SLC1A1: variants seen among roughly 807,000 people sequenced by gnomAD.
SLC1A1 encodes the protein solute carrier family 1 member 1, also known as excitatory amino acid transporter 3.
SLC1A1 carries 43 observed loss-of-function variants against 53.3 expected under a neutral mutation model. That is an observed-to-expected ratio of 0.81 (90% confidence interval 0.63 to 1.04). The LOEUF is 1.04. Ranked by LOEUF, SLC1A1 falls within the 50% of genes least tolerant of loss-of-function variation. The probability of loss-of-function intolerance (pLI) is 0.00; values close to 1 mark genes in which losing one functional copy is unlikely to be tolerated. For missense variants in SLC1A1, 748 were observed against 664.9 expected, an observed-to-expected ratio of 1.12 and a Z score of -1.37; for synonymous variants, 307 against 243.2, an observed-to-expected ratio of 1.26 and a Z score of -2.44.
chr9:4,572,266 GATTGTC>G lies in SLC1A1; in HGVS notation c.646_651del (p.Ile216_Val217del). ...CAGATGGCATAAACGTCCTGGGCTT[GATTGTC>G]TTTTGCCTTGTCTTTGGACTTGTCA... On this transcript the variant is annotated inframe_deletion, in exon 7 of 12. Transcript: ENST00000262352. 6.2e-7 allele frequency: 1 copy of G among 1,614,120 alleles called. No individual in the cohort carries two copies. Among genetic ancestry groups the G allele is most frequent in the Non-Finnish European group, 8.5e-7 (1 of 1,179,978 alleles).
At chr9:4,562,593 G>C (rs577292365) in intron 3 of SLC1A1, among the ~76,000 whole-genome samples, 4 of 152,288 alleles carry the variant, frequency 2.6e-5, no homozygotes, top group East Asian at 1.9e-4. Flanking sequence ...TTTGAAGAAT[G>C]CTTGGTCTTT....
At chr9:4,576,399 G>A (rs1280491391) in intron 9 of SLC1A1, among the ~76,000 whole-genome samples, 170 bp from the exon 10 acceptor site, 1 of 152,234 alleles carries the variant, frequency 6.6e-6, no homozygotes, top group Non-Finnish European at 1.5e-5. Context: ...TAAAGGGCTA[G>A]CATGATTTGG....
intron 1 of SLC1A1, among the ~76,000 whole-genome samples, chr9:4,513,950 A>G (rs1231443075): frequency 6.6e-6 from 1 of 152,252 alleles, no homozygotes; most frequent in Non-Finnish European, 1.5e-5. Flanking sequence ...CAACTTACAT[A>G]GAATATGATT....
At chr9:4,531,973 C>A (rs1434611352) in intron 1 of SLC1A1, among the ~76,000 whole-genome samples, 1 of 152,194 alleles carries the variant, frequency 6.6e-6, no homozygotes, top group Non-Finnish European at 1.5e-5. Context: ...AAGCAAACTC[C>A]AACAGACCTG....
intron 1 of SLC1A1, among the ~76,000 whole-genome samples, chr9:4,513,075 C>G (rs1205680693): frequency 6.6e-6 from 1 of 151,910 alleles, no homozygotes; most frequent in African/African-American, 2.4e-5. Context: ...CAAAAATTAA[C>G]TCCAAAAGGA....
intron 3 of SLC1A1, among the ~76,000 whole-genome samples, chr9:4,563,484 T>C (rs1463283439): frequency 6.6e-6 from 1 of 152,220 alleles, no homozygotes; most frequent in Non-Finnish European, 1.5e-5. Flanking sequence ...TGGCCCCTTA[T>C]TGCCCAGGAG....
At chr9:4,544,534 C>G (rs1406632231) in intron 1 of SLC1A1, 33 bp from the exon 2 acceptor site, 2 of 1,606,578 alleles carry the variant, frequency 1.2e-6, no homozygotes, top group Non-Finnish European at 8.5e-7. Flanking sequence ...AATAATGTTC[C>G]TCTTCCTTCT....
Position 4,583,222 on chromosome 9 carries a change from C to G in SLC1A1, c.1328+50C>G, listed in dbSNP as rs745324201. On this transcript the variant is annotated intron_variant, in intron 11 of 11. Transcript: ENST00000262352. This position sits in a 1 kb window ranked among gnomAD's most constrained non-coding sequence, Gnocchi z 4.6. The stretch of plus-strand genomic sequence containing the variant: ...TTAGCTGGATGTGCAGGCGGGCTTC[C>G]CAGCCTCGCAGGCGCTGCAGTCTGT... 3 of 1,612,142 alleles carry G rather than the reference C, an allele frequency of 1.9e-6. No homozygotes were observed. Among genetic ancestry groups the G allele is most frequent in the African/African-American group, 1.3e-5 (1 of 74,888 alleles).
At chr9:4,514,025 G>A (rs1469225501) in intron 1 of SLC1A1, among the ~76,000 whole-genome samples, 3 of 152,170 alleles carry the variant, frequency 2.0e-5, no homozygotes, top group Admixed American at 1.3e-4. Flanking sequence ...GTGGTTGCTA[G>A]AGGTTAGGAA....
chr9:4,542,909 G>A (rs1303359994), intron 1 of SLC1A1, among the ~76,000 whole-genome samples: 2 of 152,142 alleles, frequency 1.3e-5, no homozygotes, highest in Non-Finnish European at 2.9e-5. Context: ...ATGTTTATAT[G>A]TTTGTTCCAA....
chr9:4,525,575 T>C (rs745355649), intron 1 of SLC1A1, among the ~76,000 whole-genome samples: 1 of 152,068 alleles, frequency 6.6e-6, no homozygotes, highest in Non-Finnish European at 1.5e-5. Context: ...TGAAATAATA[T>C]ATACTAAATA....
In SLC1A1 at chr9:4,583,287, G is replaced by A. The variant is rs1161141013; in HGVS notation, c.1328+115G>A. 7.4e-7 allele frequency: 1 copy of A among 1,343,120 alleles called. No individual in the cohort carries two copies. Among genetic ancestry groups the A allele is most frequent in the Non-Finnish European group, 1.1e-6 (1 of 940,036 alleles). The allele number at this position is 1,343,120 out of a possible 1,614,324, so 83.2% of individuals were successfully genotyped here. A position where few individuals can be genotyped will look rare whatever the true frequency, so the allele number is the denominator to read the frequency against. Reference sequence around the variant, plus strand: ...CAGATTGCCTAATGAGCCACCTGTTGCTGCTTTAATTTTCCTCTGACCAGG... The same window carrying A: ...CAGATTGCCTAATGAGCCACCTGTTACTGCTTTAATTTTCCTCTGACCAGG... On this transcript the variant is annotated intron_variant, in intron 11 of 11. Coordinates refer to ENST00000262352, the MANE Select transcript of SLC1A1 (RefSeq NM_004170.6). The surrounding 1 kb of genome is among the most constrained non-coding windows in gnomAD (Gnocchi z 4.6).
chr9:4,568,584 G>A (rs1218724085), intron 6 of SLC1A1, among the ~76,000 whole-genome samples: 1 of 151,820 alleles, frequency 6.6e-6, no homozygotes, highest in Non-Finnish European at 1.5e-5. Context: ...ACCCAGGTGT[G>A]GTGGCACATG....
chr9:4,521,601 T>A (rs114191380), intron 1 of SLC1A1, among the ~76,000 whole-genome samples: 1 of 152,182 alleles, frequency 6.6e-6, no homozygotes, highest in Admixed American at 6.5e-5. Flanking sequence ...GGAAGAATAT[T>A]TGCAGCACAT....
intron 1 of SLC1A1, among the ~76,000 whole-genome samples, chr9:4,493,256 C>T (rs979665657): frequency 6.6e-6 from 1 of 152,194 alleles, no homozygotes; most frequent in Non-Finnish European, 1.5e-5. Context: ...ACCTAGACCA[C>T]CCCCGATATG....
intron 1 of SLC1A1, among the ~76,000 whole-genome samples, chr9:4,522,054 CTT>C (rs574251219): frequency 8.6e-5 from 2 of 23,354 alleles, no homozygotes; most frequent in Non-Finnish European, 2.0e-4. Flanking sequence ...TTTTTTTTTT[CTT>C]TTTTTTTTTT....
intron 1 of SLC1A1, among the ~76,000 whole-genome samples, chr9:4,522,218 A>AT (rs1307775428): frequency 4.6e-5 from 7 of 151,532 alleles, no homozygotes; most frequent in African/African-American, 1.7e-4. Flanking sequence ...CGCCCGGCTA[A>AT]TTTTTTGTAT....
intron 7 of SLC1A1, 152 bp downstream of exon 7, chr9:4,572,540 G>C: frequency 1.3e-6 from 1 of 774,020 alleles, no homozygotes; most frequent in Non-Finnish European, 2.2e-6. Flanking sequence ...GGGGGCTTTT[G>C]TTGCTGTTCT....
chr9:4,564,180 G>A (rs183944935), intron 3 of SLC1A1, among the ~76,000 whole-genome samples, 164 bp from the exon 4 acceptor site: 2 of 152,302 alleles, frequency 1.3e-5, no homozygotes, highest in African/African-American at 2.4e-5. Flanking sequence ...TAATTAAGGT[G>A]GCTGCTGAGG....
Sources: gnomAD v4.1 joint callset for allele counts (sites outside exome capture counted in the v4.1 genomes callset) on GRCh38, gnomAD v4.1.1 for gene constraint, Gnocchi (gnomAD v3.1) non-coding constraint, MANE v1.5 for transcripts, NCBI Gene and HGNC (gene_info 2026-07-23, HGNC 2026-07-21) for gene names.